VPS13C: variants seen among roughly 807,000 people sequenced by gnomAD.
VPS13C encodes the protein vacuolar protein sorting 13 homolog C, also known as intermembrane lipid transfer protein VPS13C.
In VPS13C, 358 loss-of-function variants were observed where a neutral mutation model predicts 456.8. The observed-to-expected ratio is 0.78, with a 90% CI of 0.72 to 0.86. The LOEUF (loss-of-function observed/expected upper bound fraction) is 0.86, where lower values mean the gene tolerates loss of function less well. Ranked by LOEUF, VPS13C falls within the 40% of genes least tolerant of loss-of-function variation. VPS13C has a pLI of 0.00. For missense variants in VPS13C, 4,818 were observed against 4,385.4 expected (o/e 1.10, Z -2.79); for synonymous variants, 1,578 against 1,486.7 (o/e 1.06, Z -1.41).
At chr15:61,929,225 A>G (rs2043971352) in intron 51 of VPS13C, among the ~76,000 whole-genome samples, 1 of 152,178 alleles carries the variant, frequency 6.6e-6, no homozygotes, top group Admixed American at 6.5e-5. Flanking sequence ...CAGGCCACTA[A>G]CCACTGACCC....
chr15:61,874,182 TA>T (rs940534722), intron 77 of VPS13C, among the ~76,000 whole-genome samples: 2 of 151,814 alleles, frequency 1.3e-5, no homozygotes, highest in African/African-American at 4.8e-5. Context: ...CTGAGATGGG[TA>T]GGGGGAGGAG....
chr15:62,033,187 T>G (rs1318523369), intron 5 of VPS13C, among the ~76,000 whole-genome samples: 1 of 151,524 alleles, frequency 6.6e-6, no homozygotes, highest in Non-Finnish European at 1.5e-5. Context: ...TCTTCCAAAC[T>G]AGCACAATAA....
At chr15:62,015,584 T>C (rs2047207487) in intron 9 of VPS13C, among the ~76,000 whole-genome samples, 1 of 146,430 alleles carries the variant, frequency 6.8e-6, no homozygotes, top group Non-Finnish European at 1.5e-5. Context: ...CACCATGGAA[T>C]ACTATGCAGC....
intron 24 of VPS13C, among the ~76,000 whole-genome samples, chr15:61,975,969 C>G (rs967086488): frequency 4.0e-5 from 6 of 151,874 alleles, no homozygotes; most frequent in Non-Finnish European, 8.8e-5. Context: ...CAGATAGGAC[C>G]CAAGTCTAAA....
At chr15:62,053,415 G>C (rs893745425) in intron 1 of VPS13C, among the ~76,000 whole-genome samples, 2 of 152,186 alleles carry the variant, frequency 1.3e-5, no homozygotes, top group African/African-American at 4.8e-5. Flanking sequence ...CATGAGCCTG[G>C]AACTTCATTT....
chr15:61,985,255 GTTTTA>G (rs766381548), intron 18 of VPS13C, among the ~76,000 whole-genome samples: 6 of 152,036 alleles, frequency 3.9e-5, no homozygotes, highest in Admixed American at 3.3e-4. Context: ...TTTCTCTTAA[GTTTTA>G]TTTTATTTTA....
At chr15:62,037,687 T>C (rs940561368) in intron 3 of VPS13C, among the ~76,000 whole-genome samples, 1 of 125,388 alleles carries the variant, frequency 8.0e-6, no homozygotes, top group Non-Finnish European at 1.7e-5. Flanking sequence ...GTACGTAACA[T>C]GTGCATAAAT....
intron 65 of VPS13C, 66 bp downstream of exon 65, chr15:61,908,926 A>G: frequency 6.4e-7 from 1 of 1,559,108 alleles, no homozygotes. Context: ...ATATGAAACC[A>G]AAGTGTTTCC....
chr15:61,993,636 AAG>A (rs1290699903), intron 16 of VPS13C, among the ~76,000 whole-genome samples: 9 of 152,196 alleles, frequency 5.9e-5, no homozygotes, highest in African/African-American at 2.2e-4. Flanking sequence ...TAAAGAGAAA[AAG>A]AGATGAATTA....
At chr15:61,896,436 C>T (rs937487000) in intron 66 of VPS13C, among the ~76,000 whole-genome samples, 2 of 152,140 alleles carry the variant, frequency 1.3e-5, no homozygotes, top group South Asian at 2.1e-4. Flanking sequence ...TTGCCTCACT[C>T]GGGAAGCGCA....
At chr15:61,963,716 G>A (rs944400233) in intron 32 of VPS13C, 119 bp downstream of exon 32, 6 of 704,846 alleles carry the variant, frequency 8.5e-6, no homozygotes, top group African/African-American at 1.8e-5. Flanking sequence ...ATCCAATTAC[G>A]TCTTTTCAGG....
At position 61,910,323 on chromosome 15, in the gene VPS13C, A is replaced by T; in HGVS notation, c.8716-18T>A. ...GGAAGGCACTAAAAATATAGAAGTT[A>T]TTATCAGTCTTAAGACAATACCGTT... On this transcript the variant is annotated intron_variant, in intron 63 of 84. Transcript: ENST00000644861. The T allele has an allele frequency of 6.7e-7, 1 of 1,490,846 alleles. No individual in the cohort carries two copies. Among genetic ancestry groups the T allele is most frequent in the Non-Finnish European group, 9.0e-7 (1 of 1,111,836 alleles). 92.4% of individuals were successfully genotyped at this position (1,490,846 alleles called of 1,614,324 possible).
intron 9 of VPS13C, 42 bp downstream of exon 9, chr15:62,020,437 C>CT: frequency 1.3e-6 from 2 of 1,554,692 alleles, no homozygotes; most frequent in Non-Finnish European, 1.8e-6. Context: ...CAGAATAATA[C>CT]TTTACAGGTT....
At chr15:62,012,221 G>GACACACACACACAC (rs67220908) in intron 11 of VPS13C, 57 bp from the exon 12 acceptor site, 47 of 511,222 alleles carry the variant, frequency 9.2e-5, no homozygotes, top group African/African-American at 7.8e-4. Context: ...TTCAGACTCA[G>GACACACACACACAC]ACACACACAC....
intron 73 of VPS13C, 93 bp from the exon 74 acceptor site, chr15:61,878,839 T>C: frequency 7.3e-7 from 1 of 1,368,984 alleles, no homozygotes; most frequent in African/African-American, 1.5e-5. Flanking sequence ...CCAAAAAAAG[T>C]CTTTCGATTA....
chr15:61,969,219 C>T (rs2045471635), intron 28 of VPS13C, 80 bp downstream of exon 28: 1 of 1,006,884 alleles, frequency 9.9e-7, no homozygotes, highest in African/African-American at 1.7e-5. Context: ...ATTATAAATA[C>T]AATATAAATG....
At chr15:61,990,018 A>G (rs1345802957) in intron 18 of VPS13C, among the ~76,000 whole-genome samples, 1 of 152,204 alleles carries the variant, frequency 6.6e-6, no homozygotes, top group East Asian at 1.9e-4. Context: ...ACAAATAAAT[A>G]AGATGTGGTA....
Position 61,913,371 on chromosome 15 carries a change from T to C in VPS13C, c.8490A>G (p.Ser2830=), listed in dbSNP as rs771998549. 1.9e-6 allele frequency: 3 copies of C among 1,614,086 alleles called. No homozygotes were observed. The highest frequency in any genetic ancestry group is 1.7e-5 in the Admixed American group (1 of 60,030). ...ACCCATAACTTCCCACTGTATCCAA[T>C]GAGAAACTACTGGACCAGGCACTGG... ...ISTSAWSSSF[S]LDTVGSYGCV... is the part of the protein sequence containing the mutation. The change falls in exon 62 of 85, where the codon TCA becomes TCG. Residue 2830 remains serine (S), a synonymous_variant. Transcript: ENST00000644861.
At chr15:61,968,994 C>T (rs2045465268) in intron 28 of VPS13C, among the ~76,000 whole-genome samples, 1 of 152,000 alleles carries the variant, frequency 6.6e-6, no homozygotes, top group Non-Finnish European at 1.5e-5. Flanking sequence ...TAATTAAGAG[C>T]ACAGACCCTA....
Sources: gnomAD v4.1 joint callset for allele counts (sites outside exome capture counted in the v4.1 genomes callset) on GRCh38, gnomAD v4.1.1 for gene constraint, MANE v1.5 for transcripts, NCBI Gene and HGNC (gene_info 2026-07-23, HGNC 2026-07-21) for gene names.